RNF150: variants seen among roughly 807,000 people sequenced by gnomAD.
The protein encoded by RNF150 is ring finger protein 150.
Under a neutral mutation model 39.3 loss-of-function variants are expected in RNF150, and 24 were observed. The ratio of observed to expected loss-of-function variants is 0.61; its 90% confidence interval spans 0.44 to 0.86. The LOEUF (loss-of-function observed/expected upper bound fraction) is 0.86. RNF150 is among the 40% of genes least tolerant of loss of function. The probability of loss-of-function intolerance (pLI) is 0.00; values close to 1 mark genes in which losing one functional copy is unlikely to be tolerated. For missense variants in RNF150, 502 were observed against 587.8 expected (o/e 0.85, Z 1.51); for synonymous variants, 255 against 227.3 (o/e 1.12, Z -1.10).
chr4:141,166,597 G>T (rs1578776512), intron 1 of RNF150, among the ~76,000 whole-genome samples: 1 of 152,160 alleles, frequency 6.6e-6, no homozygotes, highest in African/African-American at 2.4e-5. Context: ...ATCCACTCAT[G>T]ATCAAGTCAG....
intron 2 of RNF150, among the ~76,000 whole-genome samples, chr4:140,963,922 T>A (rs1733138499): frequency 6.6e-6 from 1 of 152,006 alleles, no homozygotes; most frequent in Admixed American, 6.6e-5. Context: ...AATATATATC[T>A]CAATCTAGAA....
At chr4:141,104,407 G>A (rs1285576558) in intron 1 of RNF150, among the ~76,000 whole-genome samples, 1 of 152,196 alleles carries the variant, frequency 6.6e-6, no homozygotes, top group Non-Finnish European at 1.5e-5. Context: ...GCTAATGGTA[G>A]TCAGAGCTGA....
intron 1 of RNF150, among the ~76,000 whole-genome samples, chr4:141,006,036 T>A (rs983547089): frequency 8.1e-6 from 1 of 123,516 alleles, no homozygotes; most frequent in East Asian, 2.0e-4. Context: ...GCCACTGCAC[T>A]CCAGCCTGGG....
chr4:140,912,367 C>G (rs140838606), intron 5 of RNF150, among the ~76,000 whole-genome samples: 1 of 152,264 alleles, frequency 6.6e-6, no homozygotes, highest in Non-Finnish European at 1.5e-5. Context: ...CTGTTAATTT[C>G]TTTTGCTCTG....
At chr4:140,892,246 G>C (rs1729779786) in intron 6 of RNF150, among the ~76,000 whole-genome samples, 1 of 152,170 alleles carries the variant, frequency 6.6e-6, no homozygotes, top group South Asian at 2.1e-4. Context: ...ATAGTGTAAT[G>C]AATCTGTTGA....
intron 1 of RNF150, among the ~76,000 whole-genome samples, chr4:140,990,632 C>A (rs181982824): frequency 1.2e-3 from 187 of 152,324 alleles, no homozygotes; most frequent in Non-Finnish European, 1.9e-3. Flanking sequence ...TAATGGCTTC[C>A]AGCTCCATCC....
At chr4:140,954,345 G>C (rs945492777) in intron 2 of RNF150, among the ~76,000 whole-genome samples, 1 of 152,116 alleles carries the variant, frequency 6.6e-6, no homozygotes, top group Admixed American at 6.6e-5. Flanking sequence ...CTCCTGAGTA[G>C]CTGGGACTAC....
At chr4:141,030,765 T>G (rs1167723856) in intron 1 of RNF150, among the ~76,000 whole-genome samples, 1 of 151,214 alleles carries the variant, frequency 6.6e-6, no homozygotes, top group East Asian at 1.9e-4. Context: ...TAGTCAAATT[T>G]ATAGAAACAG....
intron 4 of RNF150, among the ~76,000 whole-genome samples, chr4:140,945,980 A>G (rs1196259060): frequency 1.3e-5 from 2 of 152,220 alleles, no homozygotes; most frequent in Non-Finnish European, 2.9e-5. Context: ...TGTAGTTCAC[A>G]TACTGCATTT....
At chr4:141,053,760 A>G in intron 1 of RNF150, 4 of 1,259,882 alleles carry the variant, frequency 3.2e-6, no homozygotes, top group South Asian at 2.1e-5. Context: ...ATGAAAAAGA[A>G]AACGAGATAA....
At chr4:141,146,398 C>T (rs1257866888) in intron 1 of RNF150, among the ~76,000 whole-genome samples, 7 of 152,150 alleles carry the variant, frequency 4.6e-5, no homozygotes, top group Non-Finnish European at 1.5e-5. Flanking sequence ...ACATTCACTA[C>T]GTCATGCAAA....
intron 1 of RNF150, among the ~76,000 whole-genome samples, chr4:141,170,622 G>T (rs1056401010): frequency 1.3e-5 from 2 of 152,158 alleles, no homozygotes; most frequent in Admixed American, 6.5e-5. Context: ...CTGAGATAGG[G>T]TCATAACTTT....
intron 2 of RNF150, among the ~76,000 whole-genome samples, chr4:140,955,333 TTTG>T (rs141501001): frequency 2.0e-5 from 3 of 151,724 alleles, no homozygotes; most frequent in African/African-American, 4.8e-5. Context: ...AACATCAGGG[TTTG>T]TTGTTGTTGT....
At chr4:141,207,618 T>G (rs1728395299) in intron 1 of RNF150, among the ~76,000 whole-genome samples, 4 of 152,076 alleles carry the variant, frequency 2.6e-5, no homozygotes. Flanking sequence ...CGACATCCAA[T>G]CAGGAACGCA....
intron 1 of RNF150, among the ~76,000 whole-genome samples, chr4:141,104,250 T>G (rs1180862754): frequency 2.0e-5 from 3 of 152,106 alleles, no homozygotes; most frequent in Non-Finnish European, 4.4e-5. Context: ...ATAGCTGAGA[T>G]CCCAAAAGGT....
intron 1 of RNF150, among the ~76,000 whole-genome samples, chr4:140,975,260 G>A (rs1733618828): frequency 6.6e-6 from 1 of 152,124 alleles, no homozygotes. Flanking sequence ...CCTTGTCTCA[G>A]AAAAACAAAT....
At chr4:140,940,582 G>T (rs1732042322) in intron 4 of RNF150, among the ~76,000 whole-genome samples, 1 of 152,164 alleles carries the variant, frequency 6.6e-6, no homozygotes, top group South Asian at 2.1e-4. Flanking sequence ...CCTTGGTCAA[G>T]ACCCTTCTGA....
intron 1 of RNF150, among the ~76,000 whole-genome samples, chr4:141,041,325 G>A (rs888320114): frequency 1.8e-4 from 27 of 152,098 alleles, no homozygotes; most frequent in Non-Finnish European, 3.4e-4. Context: ...TAAACACAGA[G>A]CTCTGAGGTC....
Position 141,163,325 on chromosome 4 carries a change from C to T in RNF150, c.-6+49469G>A, listed in dbSNP as rs546613857. Among the ~76,000 whole-genome samples, 26 of 152,334 alleles carry T rather than the reference C, an allele frequency of 1.7e-4. No homozygotes were observed. In the South Asian group the frequency reaches 5.4e-3, roughly 32 times the overall value. ...CAGTCAAGGGCTTATAGATAAATCTCCCATCTCCCTGGGACAGAGCACCTG... is the reference window on the plus strand; with the variant it reads ...CAGTCAAGGGCTTATAGATAAATCTTCCATCTCCCTGGGACAGAGCACCTG... On this transcript the variant is annotated intron_variant, in intron 1 of 7. Transcript: ENST00000420921.
Sources: gnomAD v4.1 joint callset for allele counts (sites outside exome capture counted in the v4.1 genomes callset) on GRCh38, gnomAD v4.1.1 for gene constraint, MANE v1.5 for transcripts, NCBI Gene and HGNC (gene_info 2026-07-23, HGNC 2026-07-21) for gene names.